The following ORMDL1 variants were observed in gnomAD, a reference collection of about 807,000 sequenced individuals.
The protein encoded by ORMDL1 is ORMDL sphingolipid biosynthesis regulator 1.
A neutral mutation model predicts 13.0 loss-of-function variants in ORMDL1; 10 were observed. That is an observed-to-expected ratio of 0.77 (90% CI 0.47 to 1.30). ORMDL1 has a LOEUF of 1.30. ORMDL1 is among the 50% of genes most tolerant of loss of function. ORMDL1 has a pLI of 0.00. For missense variants in ORMDL1, 171 were observed against 186.7 expected (o/e 0.92, Z 0.49); for synonymous variants, 61 against 63.9 (o/e 0.95, Z 0.22).
chr2:189,765,671 T>TAATC (rs1252617969), downstream of ORMDL1: 2 of 152,168 alleles, frequency 1.3e-5, no homozygotes, highest in Admixed American at 6.5e-5. Context: ...ATCCAAATTA[T>TAATC]AATCAGAAGA....
downstream of ORMDL1, among the ~76,000 whole-genome samples, chr2:189,766,322 C>T (rs549729001): frequency 1.3e-5 from 2 of 152,180 alleles, no homozygotes; most frequent in Admixed American, 6.5e-5. Flanking sequence ...ACCATTTTGA[C>T]CATTTTTAAG....
chr2:189,776,745 C>T (rs2047706160), intron 3 of ORMDL1, among the ~76,000 whole-genome samples: 1 of 152,030 alleles, frequency 6.6e-6, no homozygotes, highest in Non-Finnish European at 1.5e-5. Context: ...AACACGTAAG[C>T]TATGGAGGAA....
In ORMDL1 at chr2:189,771,715, T is replaced by A; in HGVS notation, c.*52A>T. On this transcript the variant is annotated 3_prime_UTR_variant, in exon 5 of 5. Transcript: ENST00000392349. Reference sequence around the variant, plus strand: ...ACAGTGCAGTTTACTAACCACTCCTTCCTTATAAGAAATTCAGTAGCTGTA... The same window carrying A: ...ACAGTGCAGTTTACTAACCACTCCTACCTTATAAGAAATTCAGTAGCTGTA... The A allele has an allele frequency of 6.7e-7, 1 of 1,482,484 alleles. No individual in the cohort carries two copies. The highest frequency in any genetic ancestry group is 9.2e-7 in the Non-Finnish European group (1 of 1,092,176). 91.8% of individuals were successfully genotyped at this position (1,482,484 alleles called of 1,614,324 possible). A position where few individuals can be genotyped will look rare whatever the true frequency, so the allele number is the denominator to read the frequency against.
chr2:189,772,268 T>C (rs550135508), intron 4 of ORMDL1, among the ~76,000 whole-genome samples: 1 of 150,840 alleles, frequency 6.6e-6, no homozygotes, highest in East Asian at 1.9e-4. Context: ...AAAGCATTCA[T>C]CTTATTCTCA....
intron 2 of ORMDL1, 117 bp from the exon 3 acceptor site, chr2:189,782,719 T>A: frequency 1.1e-6 from 1 of 886,796 alleles, no homozygotes; most frequent in Non-Finnish European, 1.7e-6. Context: ...TACTTTGAAG[T>A]AGCACACAAA....
rs2047873507 is a variant in ORMDL1 at position 189,782,421 on chromosome 2, C to A, written c.174+1G>T. ...TGTTTAGTATAATGTGAAATTCTTA[C>A]CAGATTATGTATAATATTTGTTAAA... On this transcript the variant is annotated splice_donor_variant, in intron 3 of 4. Transcript: ENST00000392349. LOFTEE classifies it high-confidence loss of function. 6.2e-7 allele frequency: 1 copy of A among 1,608,398 alleles called. No homozygotes were observed. The highest frequency in any genetic ancestry group is 1.3e-5 in the African/African-American group (1 of 74,768).
At chr2:189,781,945 C>CT (rs11288908) in intron 3 of ORMDL1, among the ~76,000 whole-genome samples, 1,394 of 136,744 alleles carry the variant, frequency 0.01, 20 homozygotes, top group African/African-American at 0.035. Flanking sequence ...ATCTTAGACA[C>CT]TTTTTTTTTT....
In ORMDL1 at chr2:189,771,653, C is replaced by T; in HGVS notation, c.*114G>A. 1 of 943,486 alleles carries T rather than the reference C, an allele frequency of 1.1e-6. No individual in the cohort carries two copies. Among genetic ancestry groups the T allele is most frequent in the Non-Finnish European group, 1.5e-6 (1 of 663,138 alleles). The allele number at this position is 943,486 out of a possible 1,614,324, so 58.4% of individuals were successfully genotyped here. ...ACTTGAAGGACCAGCCATTGGCCCT[C>T]CAATGTAAATACTTCTCATTTCACA... On this transcript the variant is annotated 3_prime_UTR_variant, in exon 5 of 5. Coordinates refer to ENST00000392349, the MANE Select transcript of ORMDL1 (RefSeq NM_016467.5).
the ORMDL1 span, chr2:189,764,468 G>C: frequency 6.6e-6 from 1 of 152,110 alleles, no homozygotes. Context: ...AGAACTCTAG[G>C]GCACATTAGT....
chr2:189,779,787 C>A (rs6746951), intron 3 of ORMDL1, among the ~76,000 whole-genome samples: 5,151 of 152,204 alleles, frequency 0.034, 300 homozygotes, highest in African/African-American at 0.12. Flanking sequence ...GTATGGGGAT[C>A]AAGTTGAGAG....
chr2:189,768,948 A>G (rs2047526718), downstream of ORMDL1, among the ~76,000 whole-genome samples: 3 of 152,222 alleles, frequency 2.0e-5, no homozygotes, highest in Admixed American at 6.5e-5. Flanking sequence ...AGAGTTATGT[A>G]AAGATTAGAT....
Position 189,771,130 on chromosome 2 carries a change from A to AT in ORMDL1, c.*636dup, listed in dbSNP as rs2047568603. On this transcript the variant is annotated 3_prime_UTR_variant, in exon 5 of 5. Transcript: ENST00000392349. ...CTTGTAAGACACTTGGCTATCTTTT[A>AT]TCACCAATCAGTCACAAAGGTGAAC... 1 of 152,220 alleles carries AT rather than the reference A, an allele frequency of 6.6e-6. No homozygotes were observed. The highest frequency in any genetic ancestry group is 2.1e-4 in the South Asian group (1 of 4,836). 9.4% of individuals were successfully genotyped at this position (152,220 alleles called of 1,614,324 possible). A position where few individuals can be genotyped will look rare whatever the true frequency, so the allele number is the denominator to read the frequency against.
downstream of ORMDL1, among the ~76,000 whole-genome samples, chr2:189,768,549 A>C (rs537069708): frequency 6.6e-6 from 1 of 152,360 alleles, no homozygotes; most frequent in East Asian, 1.9e-4. Flanking sequence ...TATAGGAAAA[A>C]TGTCTTAAGA....
In ORMDL1 at chr2:189,772,251, T is replaced by C. The variant is rs117772852; in HGVS notation, c.327-349A>G. Among the ~76,000 whole-genome samples, 207 of 152,242 alleles carry C rather than the reference T, an allele frequency of 1.4e-3. 5 individuals are homozygous for C. The East Asian group carries it at 0.039, about 28-fold the overall frequency. ...TCCATGTATGTTTCTGAAAAAGATA[T>C]GGATTCAAAGCATTCATCTTATTCT... On this transcript the variant is annotated intron_variant, in intron 4 of 4. Transcript: ENST00000392349.
In ORMDL1 at chr2:189,775,640, G is replaced by A; in HGVS notation, c.251C>T (p.Thr84Ile). 6 of 1,613,954 alleles carry A rather than the reference G, an allele frequency of 3.7e-6. No homozygotes were observed. The highest frequency in any genetic ancestry group is 5.1e-6 in the Non-Finnish European group (6 of 1,179,870). The change falls in exon 4 of 5, where the codon ACT becomes ATT. Residue 84 changes from threonine (T) to isoleucine (I), a missense_variant. Transcript: ENST00000392349. Reference sequence around the variant, plus strand: ...TCCATAGTCCAGTTGTTCCCAATGAGTTAGGAGCCTTGCTTTACCCTGGTC... The same window carrying A: ...TCCATAGTCCAGTTGTTCCCAATGAATTAGGAGCCTTGCTTTACCCTGGTC... ...TPDQGKARLLTHWEQLDYGVQ... is the reference protein window; with the variant it reads ...TPDQGKARLLIHWEQLDYGVQ...
rs898470255 is a variant in ORMDL1, at chr2:189,775,619, T to C, written c.272A>G (p.Tyr91Cys). 1.2e-6 allele frequency: 2 copies of C among 1,613,898 alleles called. No individual in the cohort carries two copies. Among genetic ancestry groups the C allele is most frequent in the Non-Finnish European group, 8.5e-7 (1 of 1,179,820 alleles). ...RLLTHWEQLD[Y>C]GVQFTSSRKF... ...CCGTGAAGATGTAAACTGTACTCCA[T>C]AGTCCAGTTGTTCCCAATGAGTTAG... Residue 91 changes from tyrosine to cysteine, a missense_variant, in exon 4 of 5, where the codon TAT becomes TGT. Transcript: ENST00000392349.
downstream of ORMDL1, among the ~76,000 whole-genome samples, chr2:189,768,161 A>C (rs1323556981): frequency 1.3e-5 from 2 of 152,210 alleles, no homozygotes; most frequent in African/African-American, 4.8e-5. Flanking sequence ...AGGAGAGTTT[A>C]TCTCTGCTAT....
downstream of ORMDL1, among the ~76,000 whole-genome samples, chr2:189,767,836 CTAT>C (rs1445124248): frequency 6.6e-6 from 1 of 152,106 alleles, no homozygotes; most frequent in Non-Finnish European, 1.5e-5. Flanking sequence ...ACTTTTTTTA[CTAT>C]TTTTCTAATT....
rs567716083 is a variant in ORMDL1, at chr2:189,771,631, T to A, written c.*136A>T. ...GAAATCTGCACTTCAAAACAGCACT[T>A]GAAGGACCAGCCATTGGCCCTCCAA... On this transcript the variant is annotated 3_prime_UTR_variant, in exon 5 of 5. Coordinates refer to ENST00000392349, the MANE Select transcript of ORMDL1 (RefSeq NM_016467.5). The A allele has an allele frequency of 9.8e-5, 71 of 727,598 alleles. No homozygotes were observed. In the South Asian group the frequency reaches 1.4e-3, roughly 15 times the overall value. 45.1% of individuals were successfully genotyped at this position (727,598 alleles called of 1,614,324 possible). A position where few individuals can be genotyped will look rare whatever the true frequency, so the allele number is the denominator to read the frequency against.
Sources: gnomAD v4.1 joint callset for allele counts (sites outside exome capture counted in the v4.1 genomes callset) on GRCh38, gnomAD v4.1.1 for gene constraint, MANE v1.5 for transcripts, NCBI Gene and HGNC (gene_info 2026-07-23, HGNC 2026-07-21) for gene names.